ASGR2: variants seen among roughly 807,000 people sequenced by gnomAD.
ASGR2 encodes asialoglycoprotein receptor 2.
In ASGR2, 34 loss-of-function variants were observed where a neutral mutation model predicts 32.3. The ratio of observed to expected loss-of-function variants is 1.05; its 90% CI spans 0.80 to 1.40. ASGR2 has a LOEUF of 1.40. Ranked by LOEUF, ASGR2 falls within the 40% of genes most tolerant of loss-of-function variation. The probability of loss-of-function intolerance (pLI) is 0.00; values close to 1 mark genes in which losing one functional copy is unlikely to be tolerated. For synonymous variants in ASGR2, 143 were observed against 150.0 expected (o/e 0.95, Z 0.34); for missense variants, 385 against 386.4 (o/e 1.00, Z 0.03).
chr17:7,102,265 A>G, intron 7 of ASGR2, 69 bp from the exon 8 acceptor site: 1 of 1,349,396 alleles, frequency 7.4e-7, no homozygotes, highest in South Asian at 1.2e-5. Flanking sequence ...GCAGGCATGG[A>G]ACTGTGGCCC....
chr17:7,108,973 T>A lies in ASGR2; in HGVS notation c.125-85A>T. 3.5e-6 allele frequency: 3 copies of A among 850,460 alleles called. No homozygotes were observed. Among genetic ancestry groups the A allele is most frequent in the Non-Finnish European group, 3.4e-6 (2 of 589,432 alleles). The allele number at this position is 850,460 out of a possible 1,614,324, so 52.7% of individuals were successfully genotyped here. ...CAGGGCACCGAAGCCTGAGGAGGCA[T>A]AACCTGGGCGGGGGGATTGGTTGGG... is the stretch of plus-strand genomic sequence containing the variant. On this transcript the variant is annotated intron_variant, in intron 2 of 8. Coordinates refer to ENST00000691900, the MANE Select transcript of ASGR2 (RefSeq NM_001201352.2). The surrounding 1 kb of genome is among the most constrained non-coding windows in gnomAD (Gnocchi z 4.9).
In ASGR2 at chr17:7,108,966, G is replaced by A. The variant is rs1914256497; in HGVS notation, c.125-78C>T. The stretch of plus-strand genomic sequence containing the variant: ...GTAAAGACAGGGCACCGAAGCCTGA[G>A]GAGGCATAACCTGGGCGGGGGGATT... On this transcript the variant is annotated intron_variant, in intron 2 of 8. Transcript: ENST00000691900. This position sits in a 1 kb window ranked among gnomAD's most constrained non-coding sequence, Gnocchi z 4.9. 2 of 1,439,648 alleles carry A rather than the reference G, an allele frequency of 1.4e-6. No individual in the cohort carries two copies. The highest frequency in any genetic ancestry group is 3.0e-5 in the African/African-American group (2 of 67,620). The allele number at this position is 1,439,648 out of a possible 1,614,324, so 89.2% of individuals were successfully genotyped here.
chr17:7,111,379 A>G (rs748458719), intron 2 of ASGR2, among the ~76,000 whole-genome samples: 5 of 152,212 alleles, frequency 3.3e-5, no homozygotes, highest in Non-Finnish European at 4.4e-5. Flanking sequence ...CACACTGGCC[A>G]GGCGCCGTGG....
intron 2 of ASGR2, among the ~76,000 whole-genome samples, chr17:7,110,070 G>C (rs1914429993): frequency 6.6e-6 from 1 of 152,060 alleles, no homozygotes; most frequent in East Asian, 1.9e-4. Context: ...ACATCCTGGG[G>C]AGGCTCAGTC....
At position 7,102,202 on chromosome 17, in the gene ASGR2, A is replaced by G. The variant is rs764890283; in HGVS notation, c.649-6T>C. 6.2e-7 allele frequency: 1 copy of G among 1,608,942 alleles called. No individual in the cohort carries two copies. The highest frequency in any genetic ancestry group is 2.2e-5 in the East Asian group (1 of 44,846). On this transcript the variant is annotated splice_polypyrimidine_tract_variant and splice_region_variant and intron_variant, in intron 7 of 8. Transcript: ENST00000691900. Reference sequence around the variant, plus strand: ...GTGTGTTGTACAATGAATTTCTGGAAACACAGGCAAACAGGAAATTTCTAG... The same window carrying G: ...GTGTGTTGTACAATGAATTTCTGGAGACACAGGCAAACAGGAAATTTCTAG...
In ASGR2 at chr17:7,107,394, C is replaced by CA. The variant is rs201668110; in HGVS notation, c.410-78dup. On this transcript the variant is annotated intron_variant, in intron 5 of 8. Coordinates refer to ENST00000691900, the MANE Select transcript of ASGR2 (RefSeq NM_001201352.2). The surrounding 1 kb of genome is among the most constrained non-coding windows in gnomAD (Gnocchi z 5.0). ...AGGCTCCAGCCTGTGGCTGGGGAAG[C>CA]ATATACACCCACAGACACGTACACC... 5.3e-3 allele frequency: 7,731 copies of CA among 1,455,114 alleles called. 361 individuals are homozygous for CA. The African/African-American group carries it at 0.094, about 18-fold the overall frequency. 90.1% of individuals were successfully genotyped at this position (1,455,114 alleles called of 1,614,324 possible).
intron 2 of ASGR2, among the ~76,000 whole-genome samples, chr17:7,109,124 C>T (rs1430245025): frequency 6.6e-6 from 1 of 152,010 alleles, no homozygotes; most frequent in African/African-American, 2.4e-5. Context: ...TGCACACACA[C>T]CCATGCACAC....
chr17:7,108,022 C>T lies in ASGR2; in HGVS notation c.338-115G>A. 2 of 1,203,508 alleles carry T rather than the reference C, an allele frequency of 1.7e-6. No individual in the cohort carries two copies. The highest frequency in any genetic ancestry group is 1.2e-6 in the Non-Finnish European group (1 of 853,686). The allele number at this position is 1,203,508 out of a possible 1,614,324, so 74.6% of individuals were successfully genotyped here. On this transcript the variant is annotated intron_variant, in intron 4 of 8. Coordinates refer to ENST00000691900, the MANE Select transcript of ASGR2 (RefSeq NM_001201352.2). The surrounding 1 kb of genome is among the most constrained non-coding windows in gnomAD (Gnocchi z 4.9). ...GATGCAGGCGTCCACCTCCTGGCTT[C>T]CTGGACCACACCCAGGCTCCCTGCA...
chr17:7,101,929 C>T (rs1912880058), intron 8 of ASGR2, among the ~76,000 whole-genome samples, 161 bp downstream of exon 8: 1 of 152,144 alleles, frequency 6.6e-6, no homozygotes. Context: ...CAACCCTCAC[C>T]CCCAGCCCAG....
Position 7,107,050 on chromosome 17 carries a change from A to G in ASGR2, c.598T>C (p.Cys200Arg). 1 of 1,614,160 alleles carries G rather than the reference A, an allele frequency of 6.2e-7. No individual in the cohort carries two copies. The change falls in exon 7 of 9, where the codon TGC (cysteine) becomes CGC (arginine). Residue 200 changes from cysteine to arginine, a missense_variant. Physicochemically the swap from Cys to Arg is radical, Grantham distance 180. Coordinates refer to ENST00000691900, the MANE Select transcript of ASGR2 (RefSeq NM_001201352.2). The surrounding 1 kb of genome is among the most constrained non-coding windows in gnomAD (Gnocchi z 5.0). ...GKAWAEAEKY[C>R]QLENAHLVVI... is the part of the protein sequence containing the mutation. ...ACCAGGTGTGCGTTCTCCAGCTGGC[A>G]GTACTTCTCCGCCTCAGCCCAGGCC...
At position 7,114,494 on chromosome 17, in the gene ASGR2, C is replaced by A; in HGVS notation, c.-71+121G>T. Reference sequence around the variant, plus strand: ...TTGGGCCTTGACCTGGCCAGGAGACCCCTCCCCACGCTCATGGACCCGACC... The same window carrying A: ...TTGGGCCTTGACCTGGCCAGGAGACACCTCCCCACGCTCATGGACCCGACC... On this transcript the variant is annotated intron_variant, in intron 1 of 8. Transcript: ENST00000691900. This position sits in a 1 kb window ranked among gnomAD's most constrained non-coding sequence, Gnocchi z 4.5. 1.5e-6 allele frequency: 2 copies of A among 1,312,974 alleles called. No homozygotes were observed. The highest frequency in any genetic ancestry group is 1.9e-6 in the Non-Finnish European group (2 of 1,025,954). The allele number at this position is 1,312,974 out of a possible 1,614,324, so 81.3% of individuals were successfully genotyped here.
In ASGR2 at chr17:7,113,949, T is replaced by TTCCTGGGG. The variant is rs1258140573; in HGVS notation, c.124+160_124+167dup. Among the ~76,000 whole-genome samples the TTCCTGGGG allele has an allele frequency of 2.0e-5, 3 of 152,228 alleles. No homozygotes were observed. Among genetic ancestry groups the TTCCTGGGG allele is most frequent in the Non-Finnish European group, 2.9e-5 (2 of 68,038 alleles). ...CTCCCCACACCTCTGGCACATGCCT[T>TTCCTGGGG]TCCTGGGGTCCTGGGGTAGACAGGA... is the stretch of plus-strand genomic sequence containing the variant. On this transcript the variant is annotated intron_variant, in intron 2 of 8. Transcript: ENST00000691900. The surrounding 1 kb of genome is among the most constrained non-coding windows in gnomAD (Gnocchi z 5.1).
At chr17:7,111,577 A>T (rs1914648795) in intron 2 of ASGR2, among the ~76,000 whole-genome samples, 1 of 150,836 alleles carries the variant, frequency 6.6e-6, no homozygotes, top group Non-Finnish European at 1.5e-5. Flanking sequence ...AATGGCATGA[A>T]CCCGGGAGGC....
intron 7 of ASGR2, among the ~76,000 whole-genome samples, chr17:7,104,496 A>G (rs924735841): frequency 2.7e-5 from 4 of 149,192 alleles, no homozygotes; most frequent in Non-Finnish European, 5.9e-5. Flanking sequence ...TACTAAAAAT[A>G]TAAATATTAG....
chr17:7,101,950 C>A (rs925348046), intron 8 of ASGR2, 140 bp downstream of exon 8: 14 of 1,084,754 alleles, frequency 1.3e-5, no homozygotes, highest in Admixed American at 5.9e-5. Flanking sequence ...AAGAGCACAG[C>A]TTTGGAGGGG....
At chr17:7,103,895 A>G (rs957767041) in intron 7 of ASGR2, among the ~76,000 whole-genome samples, 1 of 152,064 alleles carries the variant, frequency 6.6e-6, no homozygotes. Flanking sequence ...CTCGTCATTT[A>G]ACATTAGGTA....
chr17:7,113,512 TAC>T lies in ASGR2; in HGVS notation c.124+603_124+604del, dbSNP rs200806381. Among the ~76,000 whole-genome samples the T allele has an allele frequency of 0.017, 2,171 of 126,522 alleles. 43 individuals carry two copies. The highest frequency in any genetic ancestry group is 0.058 in the African/African-American group (1,965 of 34,060). 83.0% of individuals were successfully genotyped at this position (126,522 alleles called of 152,430 possible). A position where few individuals can be genotyped will look rare whatever the true frequency, so the allele number is the denominator to read the frequency against. On this transcript the variant is annotated intron_variant, in intron 2 of 8. Coordinates refer to ENST00000691900, the MANE Select transcript of ASGR2 (RefSeq NM_001201352.2). The surrounding 1 kb of genome is among the most constrained non-coding windows in gnomAD (Gnocchi z 5.1). ...CAACACACACACAACATACACAACG[TAC>T]ACACACACAACATACACACACTCAT...
In ASGR2 at chr17:7,114,524, A is replaced by G; in HGVS notation, c.-71+91T>C. ...CCCACGCTCATGGACCCGACCACCC[A>G]CAGCTTCCCATGGGGTCCTCCCCAT... On this transcript the variant is annotated intron_variant, in intron 1 of 8. Coordinates refer to ENST00000691900, the MANE Select transcript of ASGR2 (RefSeq NM_001201352.2). This position sits in a 1 kb window ranked among gnomAD's most constrained non-coding sequence, Gnocchi z 4.5. 1.6e-6 allele frequency: 2 copies of G among 1,229,102 alleles called. No individual in the cohort carries two copies. The highest frequency in any genetic ancestry group is 1.0e-6 in the Non-Finnish European group (1 of 977,348). 76.1% of individuals were successfully genotyped at this position (1,229,102 alleles called of 1,614,324 possible).
In ASGR2 at chr17:7,113,943, A is replaced by G. The variant is rs926982992; in HGVS notation, c.124+174T>C. ...CCAGATCTCCCCACACCTCTGGCAC[A>G]TGCCTTTCCTGGGGTCCTGGGGTAG... On this transcript the variant is annotated intron_variant, in intron 2 of 8. Coordinates refer to ENST00000691900, the MANE Select transcript of ASGR2 (RefSeq NM_001201352.2). The surrounding 1 kb of genome is among the most constrained non-coding windows in gnomAD (Gnocchi z 5.1). Among the ~76,000 whole-genome samples, 4 of 152,222 alleles carry G rather than the reference A, an allele frequency of 2.6e-5. No homozygotes were observed. Among genetic ancestry groups the G allele is most frequent in the African/African-American group, 9.6e-5 (4 of 41,462 alleles).
Sources: allele counts gnomAD v4.1 joint callset (sites outside exome capture counted in the v4.1 genomes callset), GRCh38; gene constraint gnomAD v4.1.1; non-coding constraint Gnocchi (gnomAD v3.1); transcripts MANE v1.5; gene names NCBI Gene and HGNC (gene_info 2026-07-23, HGNC 2026-07-21).